The following TMEFF2 variants were observed in gnomAD, a reference collection of about 807,000 sequenced individuals.
TMEFF2 encodes the protein tomoregulin-2.
A neutral mutation model predicts 53.8 loss-of-function variants in TMEFF2; 28 were observed. The ratio of observed to expected loss-of-function variants is 0.52; its 90% CI spans 0.39 to 0.71. TMEFF2 has a LOEUF of 0.71. Among genes scored for constraint, TMEFF2 ranks in the 30% least tolerant of loss-of-function variants. The pLI, the probability that TMEFF2 is intolerant of heterozygous loss-of-function variation, is 0.00. For missense variants in TMEFF2, 353 were observed against 455.2 expected (o/e 0.78, Z 2.04); for synonymous variants, 162 against 166.3 (o/e 0.97, Z 0.20).
At chr2:192,102,667 C>T (rs113002811) in intron 4 of TMEFF2, among the ~76,000 whole-genome samples, 9,211 of 111,924 alleles carry the variant, frequency 0.082, 443 homozygotes, top group East Asian at 0.24. Flanking sequence ...CTTGCTCTGT[C>T]ACCCAAGCTG....
chr2:192,025,124 A>G (rs1420212803), intron 5 of TMEFF2, among the ~76,000 whole-genome samples: 1 of 152,238 alleles, frequency 6.6e-6, no homozygotes, highest in Non-Finnish European at 1.5e-5. Context: ...TTAGTGAGGA[A>G]TCCAGACTTC....
intron 4 of TMEFF2, among the ~76,000 whole-genome samples, chr2:192,070,195 A>G (rs536088867): frequency 2.8e-4 from 43 of 151,760 alleles, no homozygotes; most frequent in Non-Finnish European, 5.9e-4. Flanking sequence ...GGTATAAACT[A>G]TGATTTAGAT....
At chr2:192,037,847 A>G (rs779573119) in intron 5 of TMEFF2, 7 of 152,166 alleles carry the variant, frequency 4.6e-5, no homozygotes, top group Non-Finnish European at 8.8e-5. Flanking sequence ...TTCTGTCTTA[A>G]TTCTACCTTG....
At chr2:192,134,839 C>G (rs1260870478) in intron 4 of TMEFF2, among the ~76,000 whole-genome samples, 1 of 152,146 alleles carries the variant, frequency 6.6e-6, no homozygotes, top group Non-Finnish European at 1.5e-5. Flanking sequence ...AACAGACCAG[C>G]CTTTATTAGT....
intron 5 of TMEFF2, among the ~76,000 whole-genome samples, chr2:192,037,604 G>A (rs1687352801): frequency 7.5e-6 from 1 of 132,634 alleles, no homozygotes; most frequent in Non-Finnish European, 1.6e-5. Flanking sequence ...GTTTGTGCGT[G>A]TGTGAGAGAG....
chr2:191,998,792 T>A (rs1686285566), intron 6 of TMEFF2, among the ~76,000 whole-genome samples: 1 of 151,988 alleles, frequency 6.6e-6, no homozygotes, highest in African/African-American at 2.4e-5. Context: ...TGCAAGAAAA[T>A]TGTCTGCTAT....
intron 5 of TMEFF2, among the ~76,000 whole-genome samples, chr2:192,029,760 G>A (rs893642530): frequency 1.3e-5 from 2 of 152,096 alleles, no homozygotes; most frequent in Admixed American, 1.3e-4. Context: ...TTTATCGATG[G>A]ATTTAGAAAC....
At chr2:192,123,714 A>G (rs547713056) in intron 4 of TMEFF2, among the ~76,000 whole-genome samples, 9 of 152,302 alleles carry the variant, frequency 5.9e-5, no homozygotes, top group Non-Finnish European at 1.2e-4. Context: ...GTTAAAATCA[A>G]TATTCTTGTT....
At chr2:192,051,227 T>TG (rs796770076) in intron 5 of TMEFF2, among the ~76,000 whole-genome samples, 15 of 48,090 alleles carry the variant, frequency 3.1e-4, no homozygotes, top group African/African-American at 7.9e-4. Context: ...ATCTTTTTTC[T>TG]GGGTTTTTTT....
At chr2:192,153,509 T>A (rs1284263744) in intron 4 of TMEFF2, among the ~76,000 whole-genome samples, 1 of 151,802 alleles carries the variant, frequency 6.6e-6, no homozygotes, top group African/African-American at 2.4e-5. Context: ...AGGGTCAACT[T>A]TACCCTGTTT....
intron 4 of TMEFF2, among the ~76,000 whole-genome samples, chr2:192,159,825 T>A (rs886778898): frequency 2.6e-5 from 4 of 152,158 alleles, no homozygotes; most frequent in Non-Finnish European, 5.9e-5. Flanking sequence ...AATAGGGGCC[T>A]GATACACAAA....
chr2:192,032,742 G>A (rs1687172472), intron 5 of TMEFF2: 1 of 152,182 alleles, frequency 6.6e-6, no homozygotes. Context: ...ATCAGCCATA[G>A]GACATAGTGT....
At chr2:192,068,886 T>A (rs1002261547) in intron 4 of TMEFF2, among the ~76,000 whole-genome samples, 11 of 151,132 alleles carry the variant, frequency 7.3e-5, no homozygotes, top group African/African-American at 1.9e-4. Context: ...TCAACATATT[T>A]TATAAAATCG....
chr2:192,091,103 C>G (rs1688779354), intron 4 of TMEFF2, among the ~76,000 whole-genome samples: 1 of 152,242 alleles, frequency 6.6e-6, no homozygotes, highest in Admixed American at 6.5e-5. Context: ...CTCTCAGCTC[C>G]CCAGATTCCT....
chr2:192,057,641 T>C (rs1313128398), intron 5 of TMEFF2, 38 bp downstream of exon 5: 4 of 1,524,498 alleles, frequency 2.6e-6, no homozygotes, highest in Non-Finnish European at 3.6e-6. Flanking sequence ...TTAATCACTG[T>C]CATTATTTTG....
At chr2:192,161,275 T>G (rs1425849387) in intron 4 of TMEFF2, among the ~76,000 whole-genome samples, 1 of 152,076 alleles carries the variant, frequency 6.6e-6, no homozygotes, top group Non-Finnish European at 1.5e-5. Flanking sequence ...TTCAAGCGAT[T>G]CTCCCTAGTA....
At chr2:192,142,211 G>T (rs899142493) in intron 4 of TMEFF2, among the ~76,000 whole-genome samples, 7 of 151,942 alleles carry the variant, frequency 4.6e-5, no homozygotes, top group African/African-American at 1.7e-4. Flanking sequence ...TCATATGTTT[G>T]TTACATGTAG....
intron 4 of TMEFF2, among the ~76,000 whole-genome samples, chr2:192,170,261 G>A (rs896606009): frequency 6.6e-6 from 1 of 152,034 alleles, no homozygotes; most frequent in Non-Finnish European, 1.5e-5. Flanking sequence ...TTAAATCAGT[G>A]TGTCAGAAAT....
intron 3 of TMEFF2, among the ~76,000 whole-genome samples, chr2:192,182,437 G>C (rs1691209335): frequency 6.6e-6 from 1 of 151,932 alleles, no homozygotes; most frequent in African/African-American, 2.4e-5. Context: ...AAATCCTGTA[G>C]AAATCTAAGT....
Sources: allele counts gnomAD v4.1 joint callset (sites outside exome capture counted in the v4.1 genomes callset), GRCh38; gene constraint gnomAD v4.1.1; transcripts MANE v1.5; gene names NCBI Gene and HGNC (gene_info 2026-07-23, HGNC 2026-07-21).